PIGN: variants seen among roughly 807,000 people sequenced by gnomAD.
The protein encoded by PIGN is GPI ethanolamine phosphate transferase 1.
Under a neutral mutation model 125.4 loss-of-function variants are expected in PIGN, and 117 were observed. The ratio of observed to expected loss-of-function variants is 0.93; its 90% CI spans 0.80 to 1.09. The LOEUF (loss-of-function observed/expected upper bound fraction) is 1.09. Among genes scored for constraint, PIGN ranks in the 50% least tolerant of loss-of-function variants. The pLI, the probability that PIGN is intolerant of heterozygous loss-of-function variation, is 0.00. For missense variants in PIGN, 1,075 were observed against 1,094.9 expected (o/e 0.98, Z 0.26); for synonymous variants, 392 against 377.8 (o/e 1.04, Z -0.44).
intron 1 of PIGN, among the ~76,000 whole-genome samples, chr18:62,177,050 C>A (rs2037550461): frequency 6.6e-6 from 1 of 152,018 alleles, no homozygotes; most frequent in African/African-American, 2.4e-5. Context: ...TTATGGATAG[C>A]TCTGATTTCA....
intron 1 of PIGN, chr18:62,184,683 C>T (rs1001948919): frequency 1.3e-5 from 2 of 152,178 alleles, no homozygotes; most frequent in Non-Finnish European, 2.9e-5. Context: ...CATTTTAAAT[C>T]TATTTTCAAC....
intron 3 of PIGN, among the ~76,000 whole-genome samples, 154 bp downstream of exon 3, chr18:62,162,099 T>C (rs2036974499): frequency 6.6e-6 from 1 of 152,186 alleles, no homozygotes; most frequent in Admixed American, 6.5e-5. Context: ...AAAAATGTTT[T>C]GTGCACACAT....
chr18:62,070,800 A>G (rs922751219), intron 30 of PIGN, among the ~76,000 whole-genome samples: 1 of 148,158 alleles, frequency 6.7e-6, no homozygotes, highest in Admixed American at 6.6e-5. Context: ...TTTTTAATTA[A>G]CTAATTAATT....
At chr18:62,154,031 T>C (rs938441176) in intron 7 of PIGN, 14 of 152,786 alleles carry the variant, frequency 9.2e-5, no homozygotes, top group African/African-American at 3.4e-4. Context: ...ATTGTCATTA[T>C]AAAATGTTCA....
chr18:62,023,001 A>T (rs1336181604), intron 23 of PIGN, among the ~76,000 whole-genome samples: 1 of 152,204 alleles, frequency 6.6e-6, no homozygotes, highest in East Asian at 1.9e-4. Flanking sequence ...GTTCTACTGT[A>T]TTGTTCAGGG....
At chr18:62,039,241 G>A (rs1194179834), downstream of PIGN, among the ~76,000 whole-genome samples, 1 of 151,956 alleles carries the variant, frequency 6.6e-6, no homozygotes, top group Non-Finnish European at 1.5e-5. Context: ...TAGTTTTATA[G>A]AAAATTTGCA....
intron 6 of PIGN, among the ~76,000 whole-genome samples, chr18:62,155,529 A>G (rs562017796): frequency 6.6e-6 from 1 of 152,292 alleles, no homozygotes; most frequent in African/African-American, 2.4e-5. Context: ...AGATCGTGCC[A>G]CTGCACTCCA....
rs907566104 is a variant in PIGN, at chr18:62,157,783, A to G, written c.247T>C (p.Trp83Arg). Residue 83 changes from tryptophan (W) to arginine (R), a missense_variant, in exon 5 of 31, where the codon TGG (tryptophan) becomes CGG (arginine). Transcript: ENST00000640252. Reference protein sequence around the residue: ...IRNIIMHEGSWGISHTRVPTE... With the variant: ...IRNIIMHEGSRGISHTRVPTE... ...GGCACACGTGTATGAGATATGCCCC[A>G]GCTGCCTTCATGCATTATGATATTC... 6.2e-7 allele frequency: 1 copy of G among 1,611,906 alleles called. No individual in the cohort carries two copies. Among genetic ancestry groups the G allele is most frequent in the Admixed American group, 1.7e-5 (1 of 59,860 alleles).
At chr18:62,125,159 TTTGTACATATGTGTATATAA>T in intron 14 of PIGN, among the ~76,000 whole-genome samples, 1 of 115,750 alleles carries the variant, frequency 8.6e-6, no homozygotes, top group Admixed American at 8.0e-5. Context: ...TATATACATG[TTTGTACATATGTGTATATAA>T]ATATACACGT....
At chr18:62,090,440 T>C in intron 24 of PIGN, 36 bp downstream of exon 24, 1 of 1,223,024 alleles carries the variant, frequency 8.2e-7, no homozygotes, top group Non-Finnish European at 1.2e-6. Context: ...AGACTAATAG[T>C]CTCAAATAAA....
At chr18:62,030,224 G>A (rs1302037108) in intron 23 of PIGN, among the ~76,000 whole-genome samples, 1 of 152,242 alleles carries the variant, frequency 6.6e-6, no homozygotes, top group Non-Finnish European at 1.5e-5. Context: ...GAATGTTCTT[G>A]TGATGGTGTC....
chr18:62,078,470 C>A (rs544268735), intron 28 of PIGN, among the ~76,000 whole-genome samples: 4 of 152,178 alleles, frequency 2.6e-5, no homozygotes, highest in African/African-American at 7.2e-5. Context: ...CTAACCATTA[C>A]GCACACTGCC....
chr18:62,159,594 A>G (rs1385315338), intron 4 of PIGN, among the ~76,000 whole-genome samples: 1 of 152,052 alleles, frequency 6.6e-6, no homozygotes, highest in Non-Finnish European at 1.5e-5. Flanking sequence ...ATGTTCGTCT[A>G]TTGACTTGAG....
chr18:62,077,693 G>A (rs1034932258), intron 28 of PIGN, among the ~76,000 whole-genome samples: 3 of 152,116 alleles, frequency 2.0e-5, no homozygotes, highest in African/African-American at 4.8e-5. Context: ...AGTAAATATC[G>A]GTTTCATTCT....
chr18:62,095,729 G>A, intron 23 of PIGN, 119 bp downstream of exon 23: 1 of 623,482 alleles, frequency 1.6e-6, no homozygotes, highest in Non-Finnish European at 2.9e-6. Flanking sequence ...TATTTATAAT[G>A]TATCCCTCAA....
intron 30 of PIGN, among the ~76,000 whole-genome samples, chr18:62,048,005 G>T (rs748335819): frequency 6.6e-6 from 1 of 152,076 alleles, no homozygotes; most frequent in African/African-American, 2.4e-5. Flanking sequence ...CAGCAAAGAA[G>T]ATGTAAATAA....
At position 62,045,230 on chromosome 18, in the gene PIGN, G is replaced by T. The variant is rs28375341; in HGVS notation, c.*626C>A. On this transcript the variant is annotated 3_prime_UTR_variant, in exon 31 of 31. Transcript: ENST00000640252. ...AAAATCCAGAAATGAAAAAAAAAAA[G>T]TGAAGGATAGACATGCATCACATGC... The T allele has an allele frequency of 6.6e-6, 1 of 150,688 alleles. No homozygotes were observed. Among genetic ancestry groups the T allele is most frequent in the East Asian group, 1.9e-4 (1 of 5,162 alleles). The allele number at this position is 150,688 out of a possible 1,614,324, so 9.3% of individuals were successfully genotyped here.
At chr18:62,058,906 G>A (rs1289351837) in intron 30 of PIGN, 2 of 152,096 alleles carry the variant, frequency 1.3e-5, no homozygotes, top group South Asian at 2.1e-4. Flanking sequence ...CCTCAATCCA[G>A]GCCAGGTGTA....
At chr18:62,139,348 C>A (rs2036054893) in intron 12 of PIGN, among the ~76,000 whole-genome samples, 1 of 152,180 alleles carries the variant, frequency 6.6e-6, no homozygotes, top group Non-Finnish European at 1.5e-5. Flanking sequence ...AGGTAGTGAA[C>A]TGAGTGCTTC....
Sources: allele counts gnomAD v4.1 joint callset (sites outside exome capture counted in the v4.1 genomes callset), GRCh38; gene constraint gnomAD v4.1.1; transcripts MANE v1.5; gene names NCBI Gene and HGNC (gene_info 2026-07-23, HGNC 2026-07-21).